The following MYLK variants were observed in gnomAD, a reference collection of about 807,000 sequenced individuals.
MYLK encodes the protein myosin light chain kinase, also known as myosin light chain kinase, smooth muscle.
In MYLK, 106 loss-of-function variants were observed where a neutral mutation model predicts 203.4. The ratio of observed to expected loss-of-function variants is 0.52; its 90% confidence interval spans 0.45 to 0.61. The LOEUF (loss-of-function observed/expected upper bound fraction) is 0.61, where lower values mean the gene tolerates loss of function less well. Among genes scored for constraint, MYLK ranks in the 20% least tolerant of loss-of-function variants. The probability of loss-of-function intolerance (pLI) is 0.00; values close to 1 mark genes in which losing one functional copy is unlikely to be tolerated. For missense variants in MYLK, 2,072 were observed against 2,442.3 expected (o/e 0.85, Z 3.20); for synonymous variants, 867 against 959.5 (o/e 0.90, Z 1.78).
intron 33 of MYLK, among the ~76,000 whole-genome samples, chr3:123,614,737 C>T (rs2057373303): frequency 6.6e-6 from 1 of 151,946 alleles, no homozygotes; most frequent in East Asian, 1.9e-4. Context: ...AAACGATCCT[C>T]CCTTCTCAGC....
At chr3:123,735,468 CA>C (rs1467483774) in intron 8 of MYLK, 52 bp from the exon 9 acceptor site, 7 of 1,607,802 alleles carry the variant, frequency 4.4e-6, no homozygotes, top group Non-Finnish European at 6.0e-6. Flanking sequence ...CTGTATACAC[CA>C]AAATTTCCCT....
intron 3 of MYLK, among the ~76,000 whole-genome samples, chr3:123,803,016 T>C (rs1476162608): frequency 3.3e-5 from 5 of 151,406 alleles, no homozygotes; most frequent in African/African-American, 1.2e-4. Context: ...AGATGAGGTG[T>C]GAGTACTCAG....
intron 16 of MYLK, among the ~76,000 whole-genome samples, chr3:123,707,404 G>A (rs2061500838): frequency 1.3e-5 from 2 of 152,196 alleles, no homozygotes; most frequent in Non-Finnish European, 2.9e-5. Context: ...AGGGTAATTT[G>A]TTACACAGCA....
chr3:123,826,141 C>T (rs766490431), intron 3 of MYLK, among the ~76,000 whole-genome samples: 5 of 152,190 alleles, frequency 3.3e-5, no homozygotes, highest in Non-Finnish European at 7.3e-5. Context: ...CAGCTTTGCA[C>T]CTGGGTCCCA....
At chr3:123,674,164 C>A (rs919829361) in intron 20 of MYLK, among the ~76,000 whole-genome samples, 10 of 152,110 alleles carry the variant, frequency 6.6e-5, no homozygotes, top group Non-Finnish European at 1.2e-4. Context: ...GACCTTTTCC[C>A]CAAACCTGCT....
At chr3:123,799,995 T>C (rs986636207) in intron 3 of MYLK, 5 of 152,138 alleles carry the variant, frequency 3.3e-5, no homozygotes, top group Admixed American at 6.5e-5. Context: ...CCGAAAAAGT[T>C]AAGGGGCTTT....
rs573010082 is a variant in MYLK at position 123,724,270 on chromosome 3, C to T, written c.1651+1674G>A. The stretch of plus-strand genomic sequence containing the variant: ...GTGCTGGGATTACAGGAGTGGGCCA[C>T]TGCGCCCAGCCTCCTATGGCTGCTT... On this transcript the variant is annotated intron_variant, in intron 12 of 33. Transcript: ENST00000360304. Among the ~76,000 whole-genome samples the T allele has an allele frequency of 4.6e-5, 7 of 151,080 alleles. No individual in the cohort carries two copies. In the South Asian group the frequency reaches 1.5e-3, roughly 32 times the overall value.
intron 27 of MYLK, among the ~76,000 whole-genome samples, chr3:123,641,057 C>A (rs1184888185): frequency 6.6e-6 from 1 of 152,238 alleles, no homozygotes; most frequent in African/African-American, 2.4e-5. Flanking sequence ...GATTTGCTTA[C>A]TCTGGCCAGG....
rs746239128 is a variant in MYLK at position 123,737,506 on chromosome 3, A to G, written c.626T>C (p.Val209Ala). 6.2e-7 allele frequency: 1 copy of G among 1,614,156 alleles called. No individual in the cohort carries two copies. The highest frequency in any genetic ancestry group is 1.7e-5 in the Admixed American group (1 of 60,026). Reference protein sequence around the residue: ...VPLQPSARVSVSEKNGMQVLE... With the variant: ...VPLQPSARVSASEKNGMQVLE... ...AACCTGCATGCCGTTCTTCTCAGAC[A>G]CAGACACACGGGCACTCGGCTGCAG... The change falls in exon 8 of 34, where the codon GTG becomes GCG. Residue 209 changes from valine (V) to alanine (A), a missense_variant. This residue lies in a region of MYLK where 683 missense variants were observed against 643.8 expected (regional missense o/e 1.06). Coordinates refer to ENST00000360304, the MANE Select transcript of MYLK (RefSeq NM_053025.4).
At chr3:123,762,292 G>A (rs2063561145) in intron 4 of MYLK, among the ~76,000 whole-genome samples, 1 of 151,626 alleles carries the variant, frequency 6.6e-6, no homozygotes, top group Non-Finnish European at 1.5e-5. Context: ...TGCAGTGGCA[G>A]ATCTTGGCTC....
chr3:123,839,535 A>G (rs1205952379), intron 2 of MYLK, among the ~76,000 whole-genome samples: 1 of 152,224 alleles, frequency 6.6e-6, no homozygotes, highest in Non-Finnish European at 1.5e-5. Context: ...GTACACATCT[A>G]ACACAGGGTT....
At chr3:123,807,673 A>G (rs1225923113) in intron 3 of MYLK, among the ~76,000 whole-genome samples, 3 of 152,202 alleles carry the variant, frequency 2.0e-5, no homozygotes, top group Non-Finnish European at 1.5e-5. Context: ...GCATACTGGC[A>G]AATTTGTGCA....
intron 31 of MYLK, among the ~76,000 whole-genome samples, chr3:123,626,182 C>T (rs572912811): frequency 3.9e-4 from 59 of 152,266 alleles, no homozygotes; most frequent in African/African-American, 1.4e-3. Context: ...CGACTGGGAT[C>T]GCTTCTGGAC....
chr3:123,653,774 G>A (rs971902055), intron 24 of MYLK, among the ~76,000 whole-genome samples: 1 of 152,168 alleles, frequency 6.6e-6, no homozygotes, highest in Non-Finnish European at 1.5e-5. Flanking sequence ...GCTGCCTGGG[G>A]TTAGTCGGGG....
At chr3:123,742,538 AG>A (rs1255463965) in intron 5 of MYLK, among the ~76,000 whole-genome samples, 1 of 152,160 alleles carries the variant, frequency 6.6e-6, no homozygotes, top group Non-Finnish European at 1.5e-5. Context: ...AAAAAGGGGC[AG>A]GGAGGAAGAA....
chr3:123,682,864 G>A (rs2060317247), intron 19 of MYLK, among the ~76,000 whole-genome samples: 1 of 152,086 alleles, frequency 6.6e-6, no homozygotes, highest in South Asian at 2.1e-4. Flanking sequence ...TCTGAGACGG[G>A]GTCTAGGCCC....
At position 123,700,390 on chromosome 3, in the gene MYLK, C is replaced by G. The variant is rs757124828; in HGVS notation, c.3078G>C (p.Val1026=). 2 of 1,613,578 alleles carry G rather than the reference C, an allele frequency of 1.2e-6. No homozygotes were observed. Among genetic ancestry groups the G allele is most frequent in the East Asian group, 2.2e-5 (1 of 44,836 alleles). The change falls in exon 18 of 34, where the codon GTG becomes GTC. Residue 1026 remains valine, a synonymous_variant. Coordinates refer to ENST00000360304, the MANE Select transcript of MYLK (RefSeq NM_053025.4). ...NAQPSGPLKP[V]GNAKPAETLK... is the part of the protein sequence containing the mutation. Reference sequence around the variant, plus strand: ...GGGTCTCAGCAGGCTTGGCGTTGCCCACGGGTTTCAAGGGCCCTGAAGGCT... The same window carrying G: ...GGGTCTCAGCAGGCTTGGCGTTGCCGACGGGTTTCAAGGGCCCTGAAGGCT...
intron 24 of MYLK, among the ~76,000 whole-genome samples, chr3:123,655,077 T>C (rs1218253789): frequency 3.3e-5 from 5 of 152,192 alleles, no homozygotes; most frequent in Admixed American, 1.3e-4. Flanking sequence ...CTTGAAATAA[T>C]ATTCCATGCT....
In MYLK at chr3:123,638,030, A is replaced by AC. The variant is rs765062746; in HGVS notation, c.4961+40dup. On this transcript the variant is annotated intron_variant, in intron 29 of 33. Coordinates refer to ENST00000360304, the MANE Select transcript of MYLK (RefSeq NM_053025.4). Reference sequence around the variant, plus strand: ...ACCCTCAGCCCCCACCCACTGGTCCACCAAGTGGTCCACCAGTCCACCAAG... The same window carrying AC: ...ACCCTCAGCCCCCACCCACTGGTCCACCCAAGTGGTCCACCAGTCCACCAAG... 70 of 1,612,550 alleles carry AC rather than the reference A, an allele frequency of 4.3e-5. No homozygotes were observed. In the African/African-American group the frequency reaches 7.2e-4, roughly 17 times the overall value.
Sources: gnomAD v4.1 joint callset for allele counts (sites outside exome capture counted in the v4.1 genomes callset) on GRCh38, gnomAD v4.1.1 for gene constraint, gnomAD v4.1.1 regional missense constraint, MANE v1.5 for transcripts, NCBI Gene and HGNC (gene_info 2026-07-23, HGNC 2026-07-21) for gene names.